MACROD2: variants seen among roughly 807,000 people sequenced by gnomAD.
MACROD2 encodes ADP-ribose glycohydrolase MACROD2.
MACROD2 carries 36 observed loss-of-function variants against 70.4 expected under a neutral mutation model. The observed-to-expected ratio is 0.51, with a 90% CI of 0.39 to 0.68. MACROD2 has a LOEUF of 0.68. Ranked by LOEUF, MACROD2 falls within the 30% of genes least tolerant of loss-of-function variation. MACROD2 has a pLI of 0.00. For synonymous variants in MACROD2, 172 were observed against 178.8 expected, an observed-to-expected ratio of 0.96 and a Z score of 0.30; for missense variants, 496 against 538.4, an observed-to-expected ratio of 0.92 and a Z score of 0.78.
At chr20:15,067,627 G>T (rs1052068874) in intron 5 of MACROD2, among the ~76,000 whole-genome samples, 2 of 152,148 alleles carry the variant, frequency 1.3e-5, no homozygotes, top group Admixed American at 6.5e-5. Flanking sequence ...TGGGATTACA[G>T]GTGTGAGCCA....
At chr20:14,336,137 T>A (rs1291469204) in intron 3 of MACROD2, among the ~76,000 whole-genome samples, 1 of 152,142 alleles carries the variant, frequency 6.6e-6, no homozygotes, top group Admixed American at 6.6e-5. Flanking sequence ...TTTTATGCAG[T>A]CAGAGATAAA....
At chr20:14,718,851 G>T (rs1381246562) in intron 5 of MACROD2, among the ~76,000 whole-genome samples, 2 of 152,140 alleles carry the variant, frequency 1.3e-5, no homozygotes, top group Non-Finnish European at 2.9e-5. Context: ...TTTATTCATT[G>T]TTCCTGTGTT....
At chr20:14,975,556 AG>A (rs2074731803) in intron 5 of MACROD2, among the ~76,000 whole-genome samples, 2 of 152,032 alleles carry the variant, frequency 1.3e-5, no homozygotes, top group South Asian at 2.1e-4. Flanking sequence ...TGGTCAGATG[AG>A]GGGAGGAAAG....
intron 5 of MACROD2, among the ~76,000 whole-genome samples, chr20:15,043,016 C>A (rs2075367168): frequency 6.6e-6 from 1 of 152,094 alleles, no homozygotes; most frequent in African/African-American, 2.4e-5. Context: ...TGGAACTAGG[C>A]CTGGGTGAAA....
chr20:15,224,316 A>T (rs557955292), intron 5 of MACROD2, among the ~76,000 whole-genome samples: 10 of 152,242 alleles, frequency 6.6e-5, no homozygotes, highest in Non-Finnish European at 1.0e-4. Flanking sequence ...GTATACAAGC[A>T]TGAGGCTAAA....
chr20:15,404,711 G>C (rs980667219), intron 6 of MACROD2, among the ~76,000 whole-genome samples: 3 of 152,182 alleles, frequency 2.0e-5, no homozygotes, highest in Non-Finnish European at 4.4e-5. Context: ...TAAACCCACA[G>C]TCTTCCTTTC....
chr20:16,038,021 T>C (rs1032584869), intron 15 of MACROD2, among the ~76,000 whole-genome samples: 3 of 151,474 alleles, frequency 2.0e-5, no homozygotes, highest in Non-Finnish European at 4.4e-5. Context: ...AAAAATATTT[T>C]ATTTCAAATT....
chr20:14,999,658 T>C (rs994754796), intron 5 of MACROD2, among the ~76,000 whole-genome samples: 3 of 152,136 alleles, frequency 2.0e-5, no homozygotes, highest in African/African-American at 7.2e-5. Flanking sequence ...GGAAAAGATA[T>C]ACATAGAAAC....
At chr20:15,155,465 A>C (rs566949419) in intron 5 of MACROD2, among the ~76,000 whole-genome samples, 2 of 152,092 alleles carry the variant, frequency 1.3e-5, no homozygotes, top group African/African-American at 4.8e-5. Context: ...CTCCACCTGA[A>C]CTGCCCACCC....
At chr20:15,761,860 T>C (rs909236408) in intron 8 of MACROD2, among the ~76,000 whole-genome samples, 2 of 152,246 alleles carry the variant, frequency 1.3e-5, no homozygotes, top group African/African-American at 2.4e-5. Flanking sequence ...CAGGAAGACC[T>C]TTGATTTCCT....
intron 8 of MACROD2, among the ~76,000 whole-genome samples, chr20:15,544,002 C>T (rs2047992732): frequency 6.6e-6 from 1 of 152,160 alleles, no homozygotes; most frequent in African/African-American, 2.4e-5. Context: ...TGGCTGAGCA[C>T]AGCATCAAGG....
chr20:15,909,180 G>T (rs972602315), intron 10 of MACROD2, among the ~76,000 whole-genome samples: 3 of 152,160 alleles, frequency 2.0e-5, no homozygotes, highest in Non-Finnish European at 4.4e-5. Flanking sequence ...AGCTCTTTGG[G>T]CATCTCTCTA....
intron 8 of MACROD2, among the ~76,000 whole-genome samples, chr20:15,814,737 A>G (rs2063855527): frequency 6.6e-6 from 1 of 152,204 alleles, no homozygotes; most frequent in African/African-American, 2.4e-5. Flanking sequence ...ATGATACTGC[A>G]CTTACCTGGG....
At chr20:15,933,768 T>G (rs1389030391) in intron 11 of MACROD2, among the ~76,000 whole-genome samples, 4 of 152,160 alleles carry the variant, frequency 2.6e-5, no homozygotes, top group African/African-American at 9.6e-5. Flanking sequence ...TGCATTAAAT[T>G]TTGAAGAGCT....
At chr20:15,420,138 C>G (rs1019576725) in intron 6 of MACROD2, among the ~76,000 whole-genome samples, 9 of 152,262 alleles carry the variant, frequency 5.9e-5, no homozygotes, top group African/African-American at 1.9e-4. Flanking sequence ...AGGCAAAAAT[C>G]AAGTTCTTCC....
intron 5 of MACROD2, among the ~76,000 whole-genome samples, chr20:15,080,200 A>C (rs2075692803): frequency 6.6e-6 from 1 of 152,094 alleles, no homozygotes; most frequent in African/African-American, 2.4e-5. Context: ...CTACTCTTCC[A>C]GGCTTTTAGA....
chr20:14,139,431 ATGT>A (rs1189923319), intron 3 of MACROD2, among the ~76,000 whole-genome samples: 1 of 152,194 alleles, frequency 6.6e-6, no homozygotes, highest in Non-Finnish European at 1.5e-5. Context: ...TCCAAAACCT[ATGT>A]TTTTAACTGT....
intron 5 of MACROD2, among the ~76,000 whole-genome samples, chr20:15,029,177 C>T (rs948670056): frequency 6.6e-6 from 1 of 152,150 alleles, no homozygotes; most frequent in African/African-American, 2.4e-5. Flanking sequence ...AACCTAACTG[C>T]CACGCCTCCT....
At chr20:14,769,409 A>G (rs1254236601) in intron 5 of MACROD2, among the ~76,000 whole-genome samples, 1 of 152,088 alleles carries the variant, frequency 6.6e-6, no homozygotes, top group East Asian at 1.9e-4. Flanking sequence ...CTATTTTAAC[A>G]CCTACTTGAA....
Sources: gnomAD v4.1 joint callset for allele counts (sites outside exome capture counted in the v4.1 genomes callset) on GRCh38, gnomAD v4.1.1 for gene constraint, MANE v1.5 for transcripts, NCBI Gene and HGNC (gene_info 2026-07-23, HGNC 2026-07-21) for gene names.